Variants in NRDE2 observed in about 807,000 individuals in gnomAD.
The protein encoded by NRDE2 is nuclear exosome regulator NRDE2.
In NRDE2, 76 loss-of-function variants were observed where a neutral mutation model predicts 124.2. The ratio of observed to expected loss-of-function variants is 0.61; its 90% CI spans 0.51 to 0.74. The LOEUF is 0.74. Ranked by LOEUF, NRDE2 falls within the 30% of genes least tolerant of loss-of-function variation. The pLI is 0.00. For missense variants in NRDE2, 1,314 were observed against 1,417.3 expected, an observed-to-expected ratio of 0.93 and a Z score of 1.17; for synonymous variants, 489 against 528.1, an observed-to-expected ratio of 0.93 and a Z score of 1.01.
chr14:90,331,645 A>C (rs891858502), intron 1 of NRDE2, among the ~76,000 whole-genome samples, 196 bp downstream of exon 1: 16 of 152,190 alleles, frequency 1.1e-4, no homozygotes, highest in African/African-American at 3.9e-4. Context: ...CCATAACTCT[A>C]CAACCTTGGT....
chr14:90,279,316 A>G, intron 12 of NRDE2, 183 bp from the exon 13 acceptor site: 3 of 589,324 alleles, frequency 5.1e-6, no homozygotes, highest in Non-Finnish European at 9.1e-6. Flanking sequence ...CTCAGAAGCC[A>G]CTGCTGTGTT....
chr14:90,284,327 G>A (rs1892040519), intron 12 of NRDE2, among the ~76,000 whole-genome samples: 1 of 151,806 alleles, frequency 6.6e-6, no homozygotes, highest in African/African-American at 2.4e-5. Context: ...TTATGAGTAA[G>A]GAGGTCACTT....
rs757502508 is a variant in NRDE2, at chr14:90,316,531, A to G, written c.407+47T>C. On this transcript the variant is annotated intron_variant, in intron 3 of 13. Transcript: ENST00000354366. ...ATTTGCGGCAACAATTAAGGGAGAA[A>G]AACTCAAGACTTAAAATATCATAGG... The G allele has an allele frequency of 1.7e-5, 24 of 1,388,658 alleles. No homozygotes were observed. In the South Asian group the frequency reaches 2.6e-4, roughly 15 times the overall value. The allele number at this position is 1,388,658 out of a possible 1,614,324, so 86.0% of individuals were successfully genotyped here.
chr14:90,329,639 C>T (rs1595082041), intron 1 of NRDE2, among the ~76,000 whole-genome samples: 4 of 151,400 alleles, frequency 2.6e-5, no homozygotes, highest in Admixed American at 1.3e-4. Flanking sequence ...GAGTTCAAGA[C>T]CAGCCTGGCC....
chr14:90,318,589 C>T (rs979674477), intron 1 of NRDE2, among the ~76,000 whole-genome samples: 1 of 152,006 alleles, frequency 6.6e-6, no homozygotes, highest in African/African-American at 2.4e-5. Flanking sequence ...CACCTGAGGT[C>T]GGGAGTTTGA....
chr14:90,328,652 C>A (rs1187055601), intron 1 of NRDE2, among the ~76,000 whole-genome samples: 1 of 152,204 alleles, frequency 6.6e-6, no homozygotes, highest in East Asian at 1.9e-4. Flanking sequence ...AAGTGCATTG[C>A]TCCCCCAATG....
At chr14:90,285,875 T>C (rs904268222) in intron 12 of NRDE2, among the ~76,000 whole-genome samples, 45 of 152,192 alleles carry the variant, frequency 3.0e-4, no homozygotes, top group African/African-American at 1.1e-3. Flanking sequence ...GCTCAGACGA[T>C]TTTCCCGCCT....
chr14:90,297,133 T>A (rs1381708524), intron 8 of NRDE2, among the ~76,000 whole-genome samples: 5 of 145,802 alleles, frequency 3.4e-5, no homozygotes, highest in Non-Finnish European at 4.5e-5. Flanking sequence ...ACCAAGACTC[T>A]GTCTCAAAAA....
rs188537044 is a variant in NRDE2, at chr14:90,311,280, G to A, written c.557+1114C>T. On this transcript the variant is annotated intron_variant, in intron 4 of 13. Transcript: ENST00000354366. The stretch of plus-strand genomic sequence containing the variant: ...TGTTATTGTTCTTTATGTTCCCCAC[G>A]GTTTCTCACAAAGTACTAAATGTCT... Among the ~76,000 whole-genome samples the A allele has an allele frequency of 1.1e-4, 16 of 152,168 alleles. No homozygotes were observed. In the East Asian group the frequency reaches 2.7e-3, roughly 26 times the overall value.
chr14:90,308,216 T>A (rs1884688703), intron 4 of NRDE2, among the ~76,000 whole-genome samples: 1 of 152,228 alleles, frequency 6.6e-6, no homozygotes, highest in African/African-American at 2.4e-5. Context: ...AAAAACTGAC[T>A]GAGCTGAACT....
At chr14:90,282,760 C>T (rs927931901) in intron 12 of NRDE2, among the ~76,000 whole-genome samples, 8 of 152,042 alleles carry the variant, frequency 5.3e-5, no homozygotes, top group South Asian at 2.1e-4. Flanking sequence ...CTCCGCCTCC[C>T]GGGTTCAAGT....
intron 7 of NRDE2, among the ~76,000 whole-genome samples, chr14:90,299,869 G>A (rs373272732): frequency 2.6e-5 from 4 of 152,142 alleles, no homozygotes; most frequent in Non-Finnish European, 2.9e-5. Context: ...CCACAGAAAC[G>A]CAGACCAGTA....
intron 12 of NRDE2, among the ~76,000 whole-genome samples, chr14:90,283,780 GCT>G (rs1040761485): frequency 6.6e-6 from 1 of 151,266 alleles, no homozygotes; most frequent in Non-Finnish European, 1.5e-5. Flanking sequence ...CGCAATCTTG[GCT>G]CTCACTGCAG....
chr14:90,328,580 A>T (rs1469147918), intron 1 of NRDE2, among the ~76,000 whole-genome samples: 1 of 152,234 alleles, frequency 6.6e-6, no homozygotes. Context: ...CCACTGGTCA[A>T]TCTTAACATC....
Position 90,278,243 on chromosome 14 carries a change from T to A in NRDE2, c.*93A>T. 6.8e-7 allele frequency: 1 copy of A among 1,462,696 alleles called. No homozygotes were observed. Among genetic ancestry groups the A allele is most frequent in the Non-Finnish European group, 9.4e-7 (1 of 1,058,260 alleles). The allele number at this position is 1,462,696 out of a possible 1,614,324, so 90.6% of individuals were successfully genotyped here. ...GAGAAAGAACATTTCAAAAGCCGAG[T>A]TCTCCTAACACACACGTTCTCTGCT... On this transcript the variant is annotated 3_prime_UTR_variant, in exon 14 of 14. Transcript: ENST00000354366.
intron 1 of NRDE2, among the ~76,000 whole-genome samples, chr14:90,330,161 C>G (rs1399699775): frequency 6.7e-6 from 1 of 149,448 alleles, no homozygotes; most frequent in Admixed American, 6.7e-5. Context: ...GAGCCAAGAT[C>G]GTACAATTAC....
chr14:90,268,086 C>CA lies in NRDE2; in HGVS notation c.*10249dup, dbSNP rs1348953807. The stretch of plus-strand genomic sequence containing the variant: ...TACTTAGGAGAATGGAATGTCGTGA[C>CA]ACTTGAATTGGTGCCATGCCTTAGC... On this transcript the variant is annotated 3_prime_UTR_variant, in exon 14 of 14. Coordinates refer to ENST00000354366, the MANE Select transcript of NRDE2 (RefSeq NM_017970.4). The CA allele has an allele frequency of 4.8e-6, 3 of 631,246 alleles. No individual in the cohort carries two copies. The highest frequency in any genetic ancestry group is 8.0e-6 in the Non-Finnish European group (3 of 373,402). The allele number at this position is 631,246 out of a possible 1,614,324, so 39.1% of individuals were successfully genotyped here. A position where few individuals can be genotyped will look rare whatever the true frequency, so the allele number is the denominator to read the frequency against.
Position 90,308,624 on chromosome 14 carries a change from G to A in NRDE2, c.557+3770C>T, listed in dbSNP as rs182991420. Among the ~76,000 whole-genome samples the A allele has an allele frequency of 9.1e-4, 138 of 152,214 alleles. 1 individual carries two copies. Among genetic ancestry groups the A allele is most frequent in the African/African-American group, 2.6e-3 (106 of 41,534 alleles). On this transcript the variant is annotated intron_variant, in intron 4 of 13. Transcript: ENST00000354366. ...TGACAGTGCTGGTCAAATCCTAACC[G>A]TTCACCTTCATTTCAATGTTCTCGG...
At chr14:90,298,181 G>A in intron 8 of NRDE2, 79 bp downstream of exon 8, 1 of 1,436,986 alleles carries the variant, frequency 7.0e-7, no homozygotes, top group Non-Finnish European at 9.7e-7. Context: ...AATAGCTTAA[G>A]CAGATAAATA....
Sources: allele counts gnomAD v4.1 joint callset (sites outside exome capture counted in the v4.1 genomes callset), GRCh38; gene constraint gnomAD v4.1.1; transcripts MANE v1.5; gene names NCBI Gene and HGNC (gene_info 2026-07-23, HGNC 2026-07-21).